NIPA1: variants seen among roughly 807,000 people sequenced by gnomAD.
NIPA1 encodes NIPA magnesium transporter 1.
NIPA1 carries 13 observed loss-of-function variants against 23.9 expected under a neutral mutation model. The ratio of observed to expected loss-of-function variants is 0.54; its 90% CI spans 0.35 to 0.87. NIPA1 has a LOEUF of 0.87. NIPA1 is among the 40% of genes least tolerant of loss of function. The pLI is 0.01. For missense variants in NIPA1, 362 were observed against 429.7 expected (o/e 0.84, Z 1.39); for synonymous variants, 234 against 202.9 (o/e 1.15, Z -1.30).
chr15:22,809,721 G>A (rs1895281412), intron 1 of NIPA1, among the ~76,000 whole-genome samples: 1 of 149,850 alleles, frequency 6.7e-6, no homozygotes, highest in South Asian at 2.1e-4. Flanking sequence ...TTCCAGCCTG[G>A]GTGACAGAGT....
chr15:22,798,790 C>T lies in NIPA1; in HGVS notation c.178+11956C>T, dbSNP rs570853242. 7.3e-4 allele frequency among the ~76,000 whole-genome samples: 97 copies of T among 133,678 alleles called. 3 individuals are homozygous for T. Among genetic ancestry groups the T allele is most frequent in the African/African-American group, 2.4e-3 (86 of 35,704 alleles). The allele number at this position is 133,678 out of a possible 152,430, so 87.7% of individuals were successfully genotyped here. A position where few individuals can be genotyped will look rare whatever the true frequency, so the allele number is the denominator to read the frequency against. On this transcript the variant is annotated intron_variant, in intron 1 of 4. Transcript: ENST00000337435. ...GGCGGAACTTGCAGTGAGCCGAGAT[C>T]GCGCCACTGCACTCCAGCCTGGGCG... is the stretch of plus-strand genomic sequence containing the variant.
At chr15:22,801,071 G>A (rs1332083900) in intron 1 of NIPA1, among the ~76,000 whole-genome samples, 1 of 94,162 alleles carries the variant, frequency 1.1e-5, no homozygotes, top group East Asian at 4.2e-4. Context: ...TAAAACTCCA[G>A]CTCAAGAAAA....
chr15:22,788,151 C>A (rs951630920), intron 1 of NIPA1, among the ~76,000 whole-genome samples: 1 of 152,100 alleles, frequency 6.6e-6, no homozygotes, highest in African/African-American at 2.4e-5. Flanking sequence ...CACCTCACCT[C>A]CCCAATCCAC....
At chr15:22,805,993 G>C (rs906774802) in intron 1 of NIPA1, among the ~76,000 whole-genome samples, 2 of 151,838 alleles carry the variant, frequency 1.3e-5, no homozygotes, top group Non-Finnish European at 2.9e-5. Flanking sequence ...GCGCGATCTC[G>C]GCTCACTGCA....
At chr15:22,797,586 A>T (rs369121095) in intron 1 of NIPA1, among the ~76,000 whole-genome samples, 9 of 136,166 alleles carry the variant, frequency 6.6e-5, no homozygotes, top group Middle Eastern at 5.2e-3. Context: ...GCACACTGCA[A>T]CTTCCACCTC....
chr15:22,812,392 C>T (rs1416163341), intron 3 of NIPA1, 139 bp downstream of exon 3: 2 of 681,372 alleles, frequency 2.9e-6, no homozygotes, highest in Admixed American at 2.1e-5. Context: ...TGGCTTACGC[C>T]TGTAATCCCA....
At chr15:22,800,236 A>C (rs1306476445) in intron 1 of NIPA1, among the ~76,000 whole-genome samples, 3 of 151,966 alleles carry the variant, frequency 2.0e-5, no homozygotes, top group African/African-American at 7.3e-5. Flanking sequence ...AACCCCACCC[A>C]CACCCCTGTA....
At chr15:22,786,488 G>T (rs1459885501), upstream of NIPA1, 1 of 159,162 alleles carries the variant, frequency 6.3e-6, no homozygotes, top group Non-Finnish European at 1.3e-5. Context: ...TGCTGTCCCC[G>T]CAGCCTAAGG....
intron 1 of NIPA1, among the ~76,000 whole-genome samples, chr15:22,787,907 A>C (rs894809363): frequency 1.3e-5 from 2 of 152,212 alleles, no homozygotes; most frequent in Non-Finnish European, 2.9e-5. Flanking sequence ...AATCATGGAT[A>C]ATTTAAGGAA....
At chr15:22,800,445 G>A (rs1220450997) in intron 1 of NIPA1, among the ~76,000 whole-genome samples, 1 of 152,020 alleles carries the variant, frequency 6.6e-6, no homozygotes, top group African/African-American at 2.4e-5. Flanking sequence ...GAATCAGGAT[G>A]CAGTTAAGAC....
At chr15:22,812,894 T>C (rs1241110119) in intron 3 of NIPA1, among the ~76,000 whole-genome samples, 2 of 152,186 alleles carry the variant, frequency 1.3e-5, no homozygotes, top group Admixed American at 6.5e-5. Flanking sequence ...TGAGAACTCA[T>C]TAAGCAAAAT....
intron 1 of NIPA1, among the ~76,000 whole-genome samples, chr15:22,798,384 C>T (rs1433924638): frequency 2.0e-5 from 3 of 150,242 alleles, no homozygotes; most frequent in African/African-American, 7.3e-5. Flanking sequence ...GGACTACAGG[C>T]GCCCGCCACC....
Position 22,824,018 on chromosome 15 carries a change from T to G in NIPA1, c.769T>G (p.Ser257Ala). The change falls in exon 5 of 5, where the codon TCC becomes GCC. Residue 257 changes from serine to alanine, a missense_variant. Ser to Ala is a moderately conservative substitution (Grantham distance 99, BLOSUM62 1). This residue lies in a region of NIPA1 where 277 missense variants were observed against 372.0 expected (regional missense o/e 0.74). Transcript: ENST00000337435. The surrounding 1 kb of genome is among the most constrained non-coding windows in gnomAD (Gnocchi z 4.1). ...YINKALECFD[S>A]SVFGAIYYVV... ...CAACAAGGCGCTGGAGTGCTTCGACTCCTCGGTGTTCGGGGCCATCTACTA... is the reference window on the plus strand; with the variant it reads ...CAACAAGGCGCTGGAGTGCTTCGACGCCTCGGTGTTCGGGGCCATCTACTA... 3.1e-6 allele frequency: 5 copies of G among 1,614,128 alleles called. No individual in the cohort carries two copies. Among genetic ancestry groups the G allele is most frequent in the Non-Finnish European group, 4.2e-6 (5 of 1,179,988 alleles).
intron 3 of NIPA1, among the ~76,000 whole-genome samples, chr15:22,818,371 G>T (rs1895467455): frequency 6.6e-6 from 1 of 152,092 alleles, no homozygotes; most frequent in Non-Finnish European, 1.5e-5. Flanking sequence ...AGGAGGTGGA[G>T]GTTCCATTGA....
rs544582872 is a variant in NIPA1, at chr15:22,824,377, G to A, written c.*138G>A. 42 of 821,216 alleles carry A rather than the reference G, an allele frequency of 5.1e-5. No individual in the cohort carries two copies. The highest frequency in any genetic ancestry group is 7.6e-5 in the Admixed American group (4 of 52,596). The allele number at this position is 821,216 out of a possible 1,614,324, so 50.9% of individuals were successfully genotyped here. ...AGTAACAGGTGGTCTGGTGGATAGC[G>A]GGGAGCATGGCTCAGCACCAGAGCA... On this transcript the variant is annotated 3_prime_UTR_variant, in exon 5 of 5. Transcript: ENST00000337435. This position sits in a 1 kb window ranked among gnomAD's most constrained non-coding sequence, Gnocchi z 4.1.
chr15:22,818,922 G>A (rs1174963522), intron 3 of NIPA1, among the ~76,000 whole-genome samples: 1 of 152,102 alleles, frequency 6.6e-6, no homozygotes, highest in Non-Finnish European at 1.5e-5. Context: ...TTCCCATCTT[G>A]GCATAGTCCA....
At chr15:22,788,055 AG>A (rs926576290) in intron 1 of NIPA1, among the ~76,000 whole-genome samples, 1 of 152,148 alleles carries the variant, frequency 6.6e-6, no homozygotes, top group African/African-American at 2.4e-5. Flanking sequence ...GCCACACTTC[AG>A]GGAGCATCTG....
At chr15:22,796,462 C>CT (rs967441197) in intron 1 of NIPA1, among the ~76,000 whole-genome samples, 25 of 150,650 alleles carry the variant, frequency 1.7e-4, no homozygotes, top group Non-Finnish European at 3.1e-4. Flanking sequence ...ATTTTCAGTT[C>CT]TTTTTTTTTC....
intron 1 of NIPA1, among the ~76,000 whole-genome samples, chr15:22,788,624 A>G (rs894018617): frequency 1.3e-5 from 2 of 152,166 alleles, no homozygotes; most frequent in African/African-American, 4.8e-5. Context: ...GACATTAGGG[A>G]AAAACGAAGG....
Sources: gnomAD v4.1 joint callset for allele counts (sites outside exome capture counted in the v4.1 genomes callset) on GRCh38, gnomAD v4.1.1 for gene constraint, gnomAD v4.1.1 regional missense constraint, Gnocchi (gnomAD v3.1) non-coding constraint, MANE v1.5 for transcripts, NCBI Gene and HGNC (gene_info 2026-07-23, HGNC 2026-07-21) for gene names.